Variants in DCAF4 observed in about 807,000 individuals in gnomAD.
DCAF4 encodes the protein DDB1 and CUL4 associated factor 4.
DCAF4 carries 37 observed loss-of-function variants against 60.9 expected under a neutral mutation model. That is an observed-to-expected ratio of 0.61 (90% CI 0.47 to 0.80). DCAF4 has a LOEUF of 0.80. Among genes scored for constraint, DCAF4 ranks in the 30% least tolerant of loss-of-function variants. The pLI is 0.00. For synonymous variants in DCAF4, 243 were observed against 254.8 expected, an observed-to-expected ratio of 0.95 and a Z score of 0.44; for missense variants, 577 against 650.0, an observed-to-expected ratio of 0.89 and a Z score of 1.22.
chr14:72,927,728 AC>A (rs1425116687), intron 1 of DCAF4, among the ~76,000 whole-genome samples: 2 of 152,068 alleles, frequency 1.3e-5, no homozygotes, highest in Admixed American at 1.3e-4. Flanking sequence ...CATTTAACTT[AC>A]GCTGGGTGTG....
At chr14:72,949,298 A>G (rs1311826952) in intron 8 of DCAF4, among the ~76,000 whole-genome samples, 2 of 152,120 alleles carry the variant, frequency 1.3e-5, no homozygotes, top group Non-Finnish European at 1.5e-5. Context: ...AAATAATAAT[A>G]AAATTCTATT....
chr14:72,959,940 T>C (rs953805631), downstream of DCAF4, among the ~76,000 whole-genome samples: 1 of 152,188 alleles, frequency 6.6e-6, no homozygotes, highest in African/African-American at 2.4e-5. Context: ...CTGGTTGGGC[T>C]GTGGGTGGCT....
At chr14:72,937,414 T>C (rs184071368) in intron 1 of DCAF4, among the ~76,000 whole-genome samples, 5 of 141,370 alleles carry the variant, frequency 3.5e-5, no homozygotes, top group Non-Finnish European at 7.8e-5. Context: ...TCTTTTCTTT[T>C]TTTTTTTTTT....
rs1567331492 is a variant in DCAF4 at position 72,956,618 on chromosome 14, G to A, written c.1294+118G>A. The stretch of plus-strand genomic sequence containing the variant: ...CCAAAACAGAACTGAATCAAGGGGA[G>A]TGTGGACAGCTGGGTGGGGAGACTA... On this transcript the variant is annotated intron_variant, in intron 13 of 13. Coordinates refer to ENST00000358377, the MANE Select transcript of DCAF4 (RefSeq NM_015604.4). 4 of 934,910 alleles carry A rather than the reference G, an allele frequency of 4.3e-6. No individual in the cohort carries two copies. In the East Asian group the frequency reaches 1.1e-4, roughly 25 times the overall value. The allele number at this position is 934,910 out of a possible 1,614,324, so 57.9% of individuals were successfully genotyped here.
intron 11 of DCAF4, 31 bp from the exon 12 acceptor site, chr14:72,955,492 G>T: frequency 6.2e-7 from 1 of 1,605,348 alleles, no homozygotes; most frequent in Non-Finnish European, 8.5e-7. Flanking sequence ...TGTCATGATA[G>T]CCAGGCACTG....
At chr14:72,942,030 C>T in intron 5 of DCAF4, 1 of 521,886 alleles carries the variant, frequency 1.9e-6, no homozygotes, top group Non-Finnish European at 3.4e-6. Flanking sequence ...AGGCGGGGGA[C>T]TCTTGCAGGA....
chr14:72,933,994 T>C (rs2140200019), intron 1 of DCAF4, among the ~76,000 whole-genome samples: 1 of 152,228 alleles, frequency 6.6e-6, no homozygotes, highest in South Asian at 2.1e-4. Flanking sequence ...AGGTGCCCTT[T>C]CTTAGCAGCT....
intron 8 of DCAF4, among the ~76,000 whole-genome samples, chr14:72,949,123 T>C (rs1471727599): frequency 1.3e-5 from 2 of 152,142 alleles, no homozygotes; most frequent in Non-Finnish European, 2.9e-5. Flanking sequence ...CAGAGCGGTA[T>C]GTCACATACA....
intron 1 of DCAF4, among the ~76,000 whole-genome samples, chr14:72,935,491 G>A (rs552751940): frequency 2.0e-5 from 3 of 152,298 alleles, no homozygotes; most frequent in Admixed American, 6.5e-5. Context: ...CTGACCTCAG[G>A]TGATCCACCC....
At position 72,953,732 on chromosome 14, in the gene DCAF4, A is replaced by AAAAAATAT. The variant is rs1555527852; in HGVS notation, c.809-431_809-430insAAAATATA. Among the ~76,000 whole-genome samples, 14 of 21,778 alleles carry AAAAAATAT rather than the reference A, an allele frequency of 6.4e-4. 3 individuals carry two copies. Among genetic ancestry groups the AAAAAATAT allele is most frequent in the African/African-American group, 3.3e-3 (14 of 4,292 alleles). 14.3% of individuals were successfully genotyped at this position (21,778 alleles called of 152,430 possible). On this transcript the variant is annotated intron_variant, in intron 9 of 13. Coordinates refer to ENST00000358377, the MANE Select transcript of DCAF4 (RefSeq NM_015604.4). The stretch of plus-strand genomic sequence containing the variant: ...CTTAAAAAAAAAAAAAAAAAAAAAA[A>AAAAAATAT]ATATATATATATATATATATATATA...
At chr14:72,939,951 G>GC (rs1391872469) in intron 3 of DCAF4, 49 bp downstream of exon 3, 1 of 1,496,714 alleles carries the variant, frequency 6.7e-7, no homozygotes, top group Admixed American at 2.2e-5. Flanking sequence ...CACAGGGAAG[G>GC]CTGAGACCCG....
chr14:72,959,177 G>A lies in DCAF4; in HGVS notation c.*372G>A, dbSNP rs1892669895. 1 of 998,582 alleles carries A rather than the reference G, an allele frequency of 1.0e-6. No individual in the cohort carries two copies. Among genetic ancestry groups the A allele is most frequent in the Non-Finnish European group, 1.2e-6 (1 of 838,644 alleles). The allele number at this position is 998,582 out of a possible 1,614,324, so 61.9% of individuals were successfully genotyped here. A position where few individuals can be genotyped will look rare whatever the true frequency, so the allele number is the denominator to read the frequency against. On this transcript the variant is annotated 3_prime_UTR_variant, in exon 14 of 14. Coordinates refer to ENST00000358377, the MANE Select transcript of DCAF4 (RefSeq NM_015604.4). ...GCCCATTGAAGAAGCCCAGTGATGA[G>A]ACGGTGAGATGGTTTGAGTCCTCGG...
chr14:72,954,333 C>T, intron 10 of DCAF4, 53 bp from the exon 11 acceptor site: 1 of 1,611,740 alleles, frequency 6.2e-7, no homozygotes, highest in Admixed American at 1.7e-5. Context: ...AGTTGTCCCT[C>T]TCCCCAGACT....
chr14:72,927,218 C>G (rs1041271339), intron 1 of DCAF4, among the ~76,000 whole-genome samples: 2 of 152,120 alleles, frequency 1.3e-5, no homozygotes, highest in Non-Finnish European at 2.9e-5. Context: ...CAGGCATTGT[C>G]TTGTGACTCC....
chr14:72,951,278 C>G (rs1313515589), intron 8 of DCAF4, among the ~76,000 whole-genome samples: 1 of 152,106 alleles, frequency 6.6e-6, no homozygotes, highest in East Asian at 1.9e-4. Context: ...CCACCACACC[C>G]AGCTTTTAAC....
downstream of DCAF4, chr14:72,959,822 A>G (rs1481029109): frequency 3.5e-6 from 1 of 282,286 alleles, no homozygotes; most frequent in Non-Finnish European, 5.3e-6. Flanking sequence ...TCACCTCTGG[A>G]CTAGGTCAGG....
intron 12 of DCAF4, among the ~76,000 whole-genome samples, 157 bp downstream of exon 12, chr14:72,955,853 C>T (rs534617720): frequency 2.7e-5 from 4 of 148,448 alleles, no homozygotes; most frequent in South Asian, 2.1e-4. Context: ...GGGACTGCTT[C>T]GTTGACCATA....
chr14:72,941,678 A>T, intron 4 of DCAF4, 67 bp from the exon 5 acceptor site: 1 of 1,481,328 alleles, frequency 6.8e-7, no homozygotes, highest in South Asian at 1.2e-5. Context: ...GGAACTAAAA[A>T]CATTCTCCAT....
chr14:72,957,603 A>G (rs1022601992), intron 13 of DCAF4: 1 of 152,234 alleles, frequency 6.6e-6, no homozygotes, highest in African/African-American at 2.4e-5. Context: ...ACCTGTTTTT[A>G]TCACAGAAGA....
Sources: gnomAD v4.1 joint callset for allele counts (sites outside exome capture counted in the v4.1 genomes callset) on GRCh38, gnomAD v4.1.1 for gene constraint, MANE v1.5 for transcripts, NCBI Gene and HGNC (gene_info 2026-07-23, HGNC 2026-07-21) for gene names.